TRERF1: variants seen among roughly 807,000 people sequenced by gnomAD.
TRERF1 encodes transcriptional-regulating factor 1.
Under a neutral mutation model 122.9 loss-of-function variants are expected in TRERF1, and 27 were observed. That is an observed-to-expected ratio of 0.22 (90% CI 0.16 to 0.30). The LOEUF (loss-of-function observed/expected upper bound fraction) is 0.30, where lower values mean the gene tolerates loss of function less well. Among genes scored for constraint, TRERF1 ranks in the 10% least tolerant of loss-of-function variants. TRERF1 has a pLI of 1.00. For synonymous variants in TRERF1, 636 were observed against 641.7 expected (o/e 0.99, Z 0.13); for missense variants, 1,248 against 1,560.3 (o/e 0.80, Z 3.37).
At chr6:42,322,159 T>A (rs1376876914) in intron 3 of TRERF1, among the ~76,000 whole-genome samples, 1 of 152,052 alleles carries the variant, frequency 6.6e-6, no homozygotes, top group African/African-American at 2.4e-5. Flanking sequence ...ATCTTACTTA[T>A]AAAGGTAACT....
chr6:42,425,529 ATTTTTTTTTTTTTT>A (rs150820164), intron 2 of TRERF1, among the ~76,000 whole-genome samples: 24 of 44,084 alleles, frequency 5.4e-4, no homozygotes, highest in African/African-American at 1.7e-3. Flanking sequence ...CCCCCTGGGC[ATTTTTTTTTTTTTT>A]TTTTTTTTTT....
chr6:42,343,339 G>T (rs1767651657), intron 3 of TRERF1, among the ~76,000 whole-genome samples: 1 of 152,168 alleles, frequency 6.6e-6, no homozygotes, highest in African/African-American at 2.4e-5. Context: ...TAGACTCCCA[G>T]GTCAGCCCAC....
intron 4 of TRERF1, among the ~76,000 whole-genome samples, chr6:42,277,936 G>GAAGA (rs1364402412): frequency 1.2e-4 from 18 of 149,940 alleles, no homozygotes; most frequent in Non-Finnish European, 2.1e-4. Flanking sequence ...AGAAGAAGAA[G>GAAGA]AAGAAGAAGA....
chr6:42,330,053 C>T (rs560990861), intron 3 of TRERF1, among the ~76,000 whole-genome samples: 3 of 152,028 alleles, frequency 2.0e-5, no homozygotes, highest in African/African-American at 7.2e-5. Context: ...AATTCAATGT[C>T]AACAAAACGA....
chr6:42,288,286 G>A (rs1333578144), intron 4 of TRERF1, among the ~76,000 whole-genome samples: 1 of 152,028 alleles, frequency 6.6e-6, no homozygotes, highest in Non-Finnish European at 1.5e-5. Context: ...ATAGGGCCGA[G>A]GGCCGGGCAC....
chr6:42,262,435 A>G lies in TRERF1; in HGVS notation c.1884+885T>C, dbSNP rs6942275. ...CACAGGTCACAAATTCCCTAGGGGC[A>G]GAGAGAGAGAGAGAGAGAGAGAGAG... On this transcript the variant is annotated intron_variant, in intron 8 of 17. Transcript: ENST00000372922. Among the ~76,000 whole-genome samples the G allele has an allele frequency of 1.6e-3, 60 of 38,122 alleles. 4 individuals are homozygous for G. Among genetic ancestry groups the G allele is most frequent in the African/African-American group, 4.2e-3 (31 of 7,450 alleles). 25.0% of individuals were successfully genotyped at this position (38,122 alleles called of 152,430 possible).
intron 3 of TRERF1, among the ~76,000 whole-genome samples, chr6:42,320,873 C>T (rs2150451543): frequency 6.6e-6 from 1 of 152,168 alleles, no homozygotes; most frequent in East Asian, 1.9e-4. Context: ...CTACCCAGGA[C>T]AGAGATTGGG....
chr6:42,363,441 T>G (rs1276625854), intron 2 of TRERF1, among the ~76,000 whole-genome samples: 1 of 152,130 alleles, frequency 6.6e-6, no homozygotes, highest in Non-Finnish European at 1.5e-5. Context: ...CTGGTACCAC[T>G]TTAGTCCAAG....
At chr6:42,430,315 C>A (rs973918250) in intron 2 of TRERF1, among the ~76,000 whole-genome samples, 25 of 151,676 alleles carry the variant, frequency 1.6e-4, no homozygotes, top group African/African-American at 5.6e-4. Context: ...GTTATAAACT[C>A]AAACAATCTT....
At chr6:42,421,170 A>G (rs945102412) in intron 2 of TRERF1, among the ~76,000 whole-genome samples, 2 of 152,178 alleles carry the variant, frequency 1.3e-5, no homozygotes, top group Non-Finnish European at 2.9e-5. Flanking sequence ...TGAGATTTCA[A>G]TGAGTGAATG....
At chr6:42,297,404 G>C (rs1785295636) in intron 4 of TRERF1, among the ~76,000 whole-genome samples, 1 of 152,182 alleles carries the variant, frequency 6.6e-6, no homozygotes. Flanking sequence ...GAGGGTTTCT[G>C]CTGAAACCTG....
At chr6:42,350,542 A>T (rs1769215776) in intron 3 of TRERF1, among the ~76,000 whole-genome samples, 1 of 152,120 alleles carries the variant, frequency 6.6e-6, no homozygotes, top group South Asian at 2.1e-4. Context: ...GGAGAAGCTG[A>T]TCTCACTATC....
At chr6:42,360,214 A>G (rs958716742) in intron 3 of TRERF1, among the ~76,000 whole-genome samples, 6 of 152,254 alleles carry the variant, frequency 3.9e-5, no homozygotes, top group African/African-American at 1.4e-4. Context: ...CAGCAAACCT[A>G]TAAAGTAGGT....
chr6:42,351,451 A>T (rs1457147332), intron 3 of TRERF1, among the ~76,000 whole-genome samples: 1 of 152,262 alleles, frequency 6.6e-6, no homozygotes, highest in East Asian at 1.9e-4. Flanking sequence ...TGTTTTTGAA[A>T]AAGATTTAAA....
chr6:42,383,455 A>T (rs59097529), intron 2 of TRERF1, among the ~76,000 whole-genome samples: 14,487 of 151,594 alleles, frequency 0.096, 1,064 homozygotes, highest in African/African-American at 0.2. Context: ...TGGCTTTCCT[A>T]GTCTCATTTG....
chr6:42,417,799 A>AC lies in TRERF1; in HGVS notation c.-454+33377dup, dbSNP rs762342919. ...AGGAAGAAAGTGGTGTTTTGGTCACACCCCCCCAACAGTCTATGATGCCAG... is the reference window on the plus strand; with the variant it reads ...AGGAAGAAAGTGGTGTTTTGGTCACACCCCCCCCAACAGTCTATGATGCCAG... On this transcript the variant is annotated intron_variant, in intron 2 of 17. Transcript: ENST00000372922. Among the ~76,000 whole-genome samples the AC allele has an allele frequency of 1.4e-3, 214 of 151,986 alleles. 1 individual carries two copies. The highest frequency in any genetic ancestry group is 3.9e-3 in the African/African-American group (161 of 41,438).
At chr6:42,353,041 C>G (rs1020471377) in intron 3 of TRERF1, among the ~76,000 whole-genome samples, 2 of 152,078 alleles carry the variant, frequency 1.3e-5, no homozygotes, top group African/African-American at 4.8e-5. Flanking sequence ...GTGACTCAAA[C>G]CTGTAAACTC....
Position 42,262,466 on chromosome 6 carries a change from G to GGAGAGAGA in TRERF1, c.1884+846_1884+853dup. ...AGAGAGAGAGAGAGAGAGAGAGAGA[G>GGAGAGAGA]GAGAGAGAGAGAGAGAGAGAGAGAG... On this transcript the variant is annotated intron_variant, in intron 8 of 17. Coordinates refer to ENST00000372922, the Ensembl canonical transcript of TRERF1. Among the ~76,000 whole-genome samples the GGAGAGAGA allele has an allele frequency of 3.1e-4, 2 of 6,408 alleles. 1 individual carries two copies. Among genetic ancestry groups the GGAGAGAGA allele is most frequent in the African/African-American group, 1.7e-3 (2 of 1,206 alleles). 4.2% of individuals were successfully genotyped at this position (6,408 alleles called of 152,430 possible).
At chr6:42,444,371 T>C (rs1209720377) in intron 2 of TRERF1, among the ~76,000 whole-genome samples, 2 of 152,174 alleles carry the variant, frequency 1.3e-5, no homozygotes, top group Non-Finnish European at 2.9e-5. Context: ...CACTCTTTCC[T>C]CTGTGCCGCT....
Sources: allele counts gnomAD v4.1 joint callset (sites outside exome capture counted in the v4.1 genomes callset), GRCh38; gene constraint gnomAD v4.1.1; transcripts MANE v1.5; gene names NCBI Gene and HGNC (gene_info 2026-07-23, HGNC 2026-07-21).